PLXNB3: variants seen among roughly 807,000 people sequenced by gnomAD.
PLXNB3 encodes plexin B3, also known as plexin-B3.
PLXNB3 carries 80 observed loss-of-function variants against 125.7 expected under a neutral mutation model. That is an observed-to-expected ratio of 0.64 (90% CI 0.53 to 0.77). The LOEUF is 0.77. Ranked by LOEUF, PLXNB3 falls within the 30% of genes least tolerant of loss-of-function variation. PLXNB3 has a pLI of 0.00. For missense variants in PLXNB3, 1,836 were observed against 1,729.3 expected (o/e 1.06, Z -1.09); for synonymous variants, 954 against 783.3 (o/e 1.22, Z -3.64).
chrX:153,772,676 C>T, intron 16 of PLXNB3: 3 of 1,003,883 alleles, frequency 3.0e-6, no homozygotes, highest in Non-Finnish European at 3.8e-6. Context: ...GAAAGAGCCC[C>T]ACTTCTACTC....
rs781879571 is a variant in PLXNB3 at position 153,774,867 on chromosome X, C to T, written c.3932-13C>T. 5.8e-6 allele frequency: 7 copies of T among 1,203,233 alleles called. No individual in the cohort carries two copies. Among genetic ancestry groups the T allele is most frequent in the Non-Finnish European group, 6.7e-6 (6 of 891,566 alleles). On this transcript the variant is annotated splice_polypyrimidine_tract_variant and intron_variant, in intron 23 of 35. Coordinates refer to ENST00000361971, the MANE Select transcript of PLXNB3 (RefSeq NM_005393.3). ...GGCCTGAACTCACACCTCGGCGCCT[C>T]CTGGCCCCGCAGACCTCATGACGGA...
intron 25 of PLXNB3, 71 bp from the exon 26 acceptor site, chrX:153,775,523 G>A: frequency 8.6e-7 from 1 of 1,160,751 alleles, no homozygotes; most frequent in Non-Finnish European, 1.2e-6. Context: ...GCAGGTGGGG[G>A]GAAGGAAAGT....
rs371914178 is a variant in PLXNB3 at position 153,778,027 on chromosome X, G to A, written c.5341G>A (p.Ala1781Thr). The change falls in exon 32 of 36, where the codon GCC becomes ACC. Residue 1781 changes from alanine to threonine, a missense_variant. By Grantham distance (58) the Ala-to-Thr change is moderately conservative. Coordinates refer to ENST00000361971, the MANE Select transcript of PLXNB3 (RefSeq NM_005393.3). ...FDVRVSDNVDAILAVIAQTFI... is the reference protein window; with the variant it reads ...FDVRVSDNVDTILAVIAQTFI... ...TGTACGGGTGTCGGACAATGTGGACGCCATCCTTGCTGTCATCGCCCAGAC... is the reference window on the plus strand; with the variant it reads ...TGTACGGGTGTCGGACAATGTGGACACCATCCTTGCTGTCATCGCCCAGAC... 6.6e-6 allele frequency: 8 copies of A among 1,210,557 alleles called. No individual in the cohort carries two copies. The highest frequency in any genetic ancestry group is 3.5e-5 in the South Asian group (2 of 56,894).
At chrX:153,776,758 G>A in intron 28 of PLXNB3, 129 bp from the exon 29 acceptor site, 1 of 378,989 alleles carries the variant, frequency 2.6e-6, no homozygotes, top group Non-Finnish European at 4.4e-6. Context: ...GCAGGGATGG[G>A]GTGGGGCAGG....
At chrX:153,775,508 C>T in intron 25 of PLXNB3, 86 bp from the exon 26 acceptor site, 1 of 1,145,108 alleles carries the variant, frequency 8.7e-7, no homozygotes. Context: ...GGCCAGGAAG[C>T]CCCAGCAGGT....
intron 2 of PLXNB3, 99 bp from the exon 3 acceptor site, chrX:153,766,774 G>A: frequency 9.2e-7 from 1 of 1,088,357 alleles, no homozygotes; most frequent in South Asian, 2.3e-5. Flanking sequence ...TCCCTCCCTG[G>A]CCCTGAGCAC....
rs142778743 is a variant in PLXNB3, at chrX:153,775,097, C to T, written c.4149C>T (p.Leu1383=). Reference sequence around the variant, plus strand: ...ACCTGCTCAACAGCAAGCTCTTCCTCCTCACGGTGAGGGCCGTGTGGCGGG... The same window carrying T: ...ACCTGCTCAACAGCAAGCTCTTCCTTCTCACGGTGAGGGCCGTGTGGCGGG... ...LSNLLNSKLF[L]LTLIHTLEEQ... Residue 1383 remains leucine (L), a synonymous_variant, in exon 24 of 36, where the codon CTC becomes CTT. Transcript: ENST00000361971. The T allele has an allele frequency of 7.1e-5, 85 of 1,198,265 alleles. No individual in the cohort carries two copies. In the African/African-American group the frequency reaches 1.3e-3, roughly 19 times the overall value.
chrX:153,779,099 G>C lies in PLXNB3; in HGVS notation c.*60G>C. The C allele has an allele frequency of 1.2e-6, 1 of 858,705 alleles. No homozygotes were observed. Among genetic ancestry groups the C allele is most frequent in the Non-Finnish European group, 1.6e-6 (1 of 624,805 alleles). 70.8% of individuals were successfully genotyped at this position (858,705 alleles called of 1,213,427 possible). A position where few individuals can be genotyped will look rare whatever the true frequency, so the allele number is the denominator to read the frequency against. ...AACACCGCAGCGCCTTATGACCCCG[G>C]AACCGAGCCAGCCACTGAGGGGAGC... is the stretch of plus-strand genomic sequence containing the variant. On this transcript the variant is annotated 3_prime_UTR_variant, in exon 36 of 36. Transcript: ENST00000361971.
At chrX:153,771,226 T>A in intron 12 of PLXNB3, 84 bp from the exon 13 acceptor site, 1 of 950,980 alleles carries the variant, frequency 1.1e-6, no homozygotes, top group Non-Finnish European at 1.5e-6. Context: ...ACAATCACAT[T>A]CATTCTGGGG....
chrX:153,767,257 C>G lies in PLXNB3; in HGVS notation c.430C>G (p.Arg144Gly). The change falls in exon 3 of 36, where the codon CGC (arginine) becomes GGC (glycine). Residue 144 changes from arginine (R) to glycine (G), a missense_variant. Transcript: ENST00000361971. ...QVRQGVCETR[R>G]LGDVAEVLYQ... ...GCGGCAGGGCGTGTGTGAGACACGGCGCCTTGGGGATGTGGCCGAGGTGCT... is the reference window on the plus strand; with the variant it reads ...GCGGCAGGGCGTGTGTGAGACACGGGGCCTTGGGGATGTGGCCGAGGTGCT... The G allele has an allele frequency of 8.3e-7, 1 of 1,205,269 alleles. No individual in the cohort carries two copies. The highest frequency in any genetic ancestry group is 1.1e-6 in the Non-Finnish European group (1 of 892,632).
At chrX:153,769,603 C>A (rs1242943435) in intron 6 of PLXNB3, among the ~76,000 whole-genome samples, 2 of 113,227 alleles carry the variant, frequency 1.8e-5, no homozygotes, top group Non-Finnish European at 3.8e-5. Flanking sequence ...CCCAGCCGCA[C>A]CTGCCTCTCA....
At chrX:153,771,720 C>G in intron 14 of PLXNB3, 65 bp downstream of exon 14, 1 of 1,127,538 alleles carries the variant, frequency 8.9e-7, no homozygotes, top group South Asian at 2.1e-5. Context: ...CTGTCCTGTC[C>G]TCCGTGATCA....
At position 153,769,843 on chromosome X, in the gene PLXNB3, G is replaced by C. The variant is rs781830850; in HGVS notation, c.1533G>C (p.Gln511His). 6.6e-6 allele frequency: 8 copies of C among 1,205,678 alleles called. No individual in the cohort carries two copies. The highest frequency in any genetic ancestry group is 9.0e-6 in the Non-Finnish European group (8 of 893,352). Residue 511 changes from glutamine to histidine, a missense_variant, in exon 7 of 36, where the codon CAG (glutamine) becomes CAC (histidine). Physicochemically the swap from Gln to His is conservative, Grantham distance 24 (BLOSUM62 0). Coordinates refer to ENST00000361971, the MANE Select transcript of PLXNB3 (RefSeq NM_005393.3). The stretch of plus-strand genomic sequence containing the variant: ...AGGGCCAGTGCGGGCGGGCAGGCCA[G>C]CTGAACCAGTGGCTGTGGAGTTATG... ...TRKGQCGRAG[Q>H]LNQWLWSYEE...
chrX:153,775,449 A>G (rs781860588), intron 25 of PLXNB3, 46 bp downstream of exon 25: 29 of 1,176,796 alleles, frequency 2.5e-5, no homozygotes, highest in Non-Finnish European at 3.1e-5. Context: ...GGCTTGCCAC[A>G]GACCTGCCCC....
rs1310280930 is a variant in PLXNB3 at position 153,775,893 on chromosome X, G to A, written c.4408G>A (p.Ala1470Thr). The A allele has an allele frequency of 5.0e-6, 6 of 1,203,930 alleles. No homozygotes were observed. The highest frequency in any genetic ancestry group is 6.7e-6 in the Non-Finnish European group (6 of 890,887). ...ICLYAFLREV[A>T]GEPLYMLFRA... ...GCTCATCTTGGCAGTGCAGGAGGTG[G>A]CTGGTGAACCACTGTACATGCTCTT... The change falls in exon 27 of 36, where the codon GCT becomes ACT. Residue 1470 changes from alanine (A) to threonine (T), a missense_variant. Physicochemically the swap from Ala to Thr is moderately conservative, Grantham distance 58. Transcript: ENST00000361971.
Position 153,774,560 on chromosome X carries a change from C to A in PLXNB3, c.3819C>A (p.Thr1273=), listed in dbSNP as rs782399961. The change falls in exon 22 of 36, where the codon ACC becomes ACA. Residue 1273 remains threonine (T), a synonymous_variant. Coordinates refer to ENST00000361971, the MANE Select transcript of PLXNB3 (RefSeq NM_005393.3). ...TGATTGCCGCCGTGCTCCTCCTCAC[C>A]CTCATGTACAGGTGAGACCCGCCCA... is the stretch of plus-strand genomic sequence containing the variant. ...AVLIAAVLLL[T]LMYRHKSKQA... is the part of the protein sequence containing the mutation. 4 of 1,201,488 alleles carry A rather than the reference C, an allele frequency of 3.3e-6. No homozygotes were observed. In the Admixed American group the frequency reaches 8.8e-5, roughly 27 times the overall value.
chrX:153,775,788 C>T (rs2091979363), intron 26 of PLXNB3, 99 bp from the exon 27 acceptor site: 3 of 1,099,504 alleles, frequency 2.7e-6, no homozygotes, highest in Middle Eastern at 2.5e-4. Flanking sequence ...AAGGGAAGGA[C>T]TTTGAACCCT....
rs141109198 is a variant in PLXNB3 at position 153,771,497 on chromosome X, G to A, written c.2359G>A (p.Asp787Asn). The change falls in exon 14 of 36, where the codon GAC becomes AAC. Residue 787 changes from aspartate (D) to asparagine (N), a missense_variant. Physicochemically the swap from Asp to Asn is conservative, Grantham distance 23 (BLOSUM62 1). Coordinates refer to ENST00000361971, the MANE Select transcript of PLXNB3 (RefSeq NM_005393.3). Reference protein sequence around the residue: ...NTHALYVILYDCAMGHPDCSH... With the variant: ...NTHALYVILYNCAMGHPDCSH... Reference sequence around the variant, plus strand: ...CTGACCCTCCCTAGTGATCCTGTACGACTGCGCCATGGGCCACCCGGACTG... The same window carrying A: ...CTGACCCTCCCTAGTGATCCTGTACAACTGCGCCATGGGCCACCCGGACTG... The A allele has an allele frequency of 6.9e-5, 83 of 1,203,803 alleles. No individual in the cohort carries two copies. The highest frequency in any genetic ancestry group is 2.4e-4 in the Admixed American group (11 of 45,707).
rs2091873728 is a variant in PLXNB3 at position 153,767,644 on chromosome X, C to T, written c.817C>T (p.Leu273=). 1 of 1,197,876 alleles carries T rather than the reference C, an allele frequency of 8.3e-7. No individual in the cohort carries two copies. Among genetic ancestry groups the T allele is most frequent in the African/African-American group, 1.7e-5 (1 of 57,709 alleles). ...CCGCGTCTGCCTGGGGGACACCAAC[C>T]TGTACTCCTACGTGGAGGTCCCCCT... ...VARVCLGDTN[L]YSYVEVPLAC... is the part of the protein sequence containing the mutation. Residue 273 remains leucine, a synonymous_variant, in exon 3 of 36, where the codon CTG becomes TTG. Coordinates refer to ENST00000361971, the MANE Select transcript of PLXNB3 (RefSeq NM_005393.3).
Sources: gnomAD v4.1 joint callset for allele counts (sites outside exome capture counted in the v4.1 genomes callset) on GRCh38, gnomAD v4.1.1 for gene constraint, MANE v1.5 for transcripts, NCBI Gene and HGNC (gene_info 2026-07-23, HGNC 2026-07-21) for gene names.